DIAPH3: variants seen among roughly 807,000 people sequenced by gnomAD.
DIAPH3 encodes diaphanous related formin 3.
In DIAPH3, 117 loss-of-function variants were observed where a neutral mutation model predicts 144.3. The ratio of observed to expected loss-of-function variants is 0.81; its 90% CI spans 0.70 to 0.95. The LOEUF (loss-of-function observed/expected upper bound fraction) is 0.95. DIAPH3 is among the 40% of genes least tolerant of loss of function. The pLI is 0.00. For synonymous variants in DIAPH3, 519 were observed against 488.9 expected (o/e 1.06, Z -0.81); for missense variants, 1,421 against 1,412.7 (o/e 1.01, Z -0.09).
intron 17 of DIAPH3, among the ~76,000 whole-genome samples, chr13:59,942,684 C>T: frequency 6.6e-6 from 1 of 151,972 alleles, no homozygotes; most frequent in East Asian, 1.9e-4. Context: ...AAAGGCTACA[C>T]ATATAAGTGT....
At chr13:60,115,722 A>G (rs2058686133) in intron 2 of DIAPH3, among the ~76,000 whole-genome samples, 1 of 152,124 alleles carries the variant, frequency 6.6e-6, no homozygotes, top group African/African-American at 2.4e-5. Context: ...ATTAAGTGAG[A>G]AAACAGACTA....
intron 4 of DIAPH3, among the ~76,000 whole-genome samples, chr13:60,056,390 G>A (rs1168328791): frequency 6.6e-6 from 1 of 151,576 alleles, no homozygotes; most frequent in African/African-American, 2.4e-5. Flanking sequence ...ATACAAATAT[G>A]TGTTTTCTAT....
At position 60,008,609 on chromosome 13, in the gene DIAPH3, C is replaced by A; in HGVS notation, c.949G>T (p.Glu317Ter). The A allele has an allele frequency of 2.5e-6, 4 of 1,611,774 alleles. No individual in the cohort carries two copies. The highest frequency in any genetic ancestry group is 3.4e-6 in the Non-Finnish European group (4 of 1,179,070). ...CAAAAAAATCTGTCAATTTTTTTTTCTTCACCAGCTGAAGTTAAAGCTTCT... is the reference window on the plus strand; with the variant it reads ...CAAAAAAATCTGTCAATTTTTTTTTATTCACCAGCTGAAGTTAAAGCTTCT... Reference protein sequence around the residue: ...VLEALTSAGEEKKIDRFFCIV... With the variant: ...VLEALTSAGE Residue 317 changes from glutamate to a stop codon, truncating the protein, a stop_gained, in exon 9 of 28, where the codon GAA becomes TAA. Transcript: ENST00000400324. LOFTEE classifies it high-confidence loss of function.
chr13:59,842,391 C>G (rs1468019546), intron 22 of DIAPH3, among the ~76,000 whole-genome samples: 1 of 152,066 alleles, frequency 6.6e-6, no homozygotes, highest in Non-Finnish European at 1.5e-5. Flanking sequence ...AAGCACAGGG[C>G]AAATGTTGGG....
At chr13:60,002,730 C>A (rs2140901428) in intron 9 of DIAPH3, among the ~76,000 whole-genome samples, 1 of 152,270 alleles carries the variant, frequency 6.6e-6, no homozygotes, top group African/African-American at 2.4e-5. Flanking sequence ...GACATATACA[C>A]AGAAGAAGAA....
intron 27 of DIAPH3, among the ~76,000 whole-genome samples, chr13:59,734,244 T>C (rs1478007766): frequency 2.6e-5 from 4 of 152,126 alleles, no homozygotes; most frequent in South Asian, 2.1e-4. Flanking sequence ...GTAGGAATGA[T>C]ACATAATACG....
At chr13:59,970,097 T>TCC in intron 16 of DIAPH3, 39 bp from the exon 17 acceptor site, 1 of 1,203,492 alleles carries the variant, frequency 8.3e-7, no homozygotes, top group Non-Finnish European at 1.2e-6. Flanking sequence ...AATAGGTGAG[T>TCC]GTTTCACCTG....
At chr13:60,131,664 A>G (rs1248422733) in intron 2 of DIAPH3, among the ~76,000 whole-genome samples, 1 of 152,198 alleles carries the variant, frequency 6.6e-6, no homozygotes, top group Non-Finnish European at 1.5e-5. Flanking sequence ...GGGATTATTT[A>G]TGAACATGAC....
chr13:60,049,151 A>T (rs2056221019), intron 4 of DIAPH3, among the ~76,000 whole-genome samples: 1 of 152,242 alleles, frequency 6.6e-6, no homozygotes, highest in Non-Finnish European at 1.5e-5. Context: ...AGGTTGAAGT[A>T]GCCCAAACAA....
In DIAPH3 at chr13:59,924,755, T is replaced by C; in HGVS notation, c.2170+20A>G. The stretch of plus-strand genomic sequence containing the variant: ...AAATATTTCCACTGTCTTTGAATGG[T>C]ATTGGAATATGATACTTACAAAGGT... On this transcript the variant is annotated intron_variant, in intron 18 of 27. Transcript: ENST00000400324. 1 of 1,596,272 alleles carries C rather than the reference T, an allele frequency of 6.3e-7. No individual in the cohort carries two copies. Among genetic ancestry groups the C allele is most frequent in the Non-Finnish European group, 8.6e-7 (1 of 1,168,062 alleles).
At chr13:60,010,830 G>C (rs1426445860) in intron 7 of DIAPH3, among the ~76,000 whole-genome samples, 161 bp from the exon 8 acceptor site, 7 of 152,082 alleles carry the variant, frequency 4.6e-5, no homozygotes, top group Non-Finnish European at 1.0e-4. Flanking sequence ...TCATGGCTGG[G>C]CACGGTGGTT....
intron 20 of DIAPH3, among the ~76,000 whole-genome samples, chr13:59,901,954 C>A (rs994902703): frequency 6.6e-6 from 1 of 152,124 alleles, no homozygotes; most frequent in East Asian, 1.9e-4. Flanking sequence ...CTCAGCCACC[C>A]GAATCATCTA....
At chr13:59,697,276 G>A (rs1299301870) in intron 27 of DIAPH3, among the ~76,000 whole-genome samples, 9 of 151,200 alleles carry the variant, frequency 6.0e-5, no homozygotes, top group African/African-American at 2.2e-4. Context: ...TCGCTAACAC[G>A]GTGAAACCCC....
intron 24 of DIAPH3, 113 bp downstream of exon 24, chr13:59,832,994 A>G (rs2041856352): frequency 1.2e-6 from 1 of 865,640 alleles, no homozygotes; most frequent in African/African-American, 1.7e-5. Context: ...ATAGCTTTCA[A>G]AATCAGAAAA....
chr13:60,059,176 GA>G (rs1036647562), intron 4 of DIAPH3, among the ~76,000 whole-genome samples: 3 of 147,218 alleles, frequency 2.0e-5, no homozygotes, highest in Admixed American at 6.8e-5. Flanking sequence ...TTATAAAATA[GA>G]AAAAAAAAAC....
At chr13:59,946,584 A>T (rs1342428140) in intron 17 of DIAPH3, among the ~76,000 whole-genome samples, 1 of 152,178 alleles carries the variant, frequency 6.6e-6, no homozygotes, top group African/African-American at 2.4e-5. Context: ...AACAAATGCT[A>T]AAAAAGCACT....
intron 20 of DIAPH3, among the ~76,000 whole-genome samples, chr13:59,894,365 C>A (rs2045975120): frequency 6.6e-6 from 1 of 151,872 alleles, no homozygotes; most frequent in Admixed American, 6.6e-5. Flanking sequence ...AGGCAGAAAC[C>A]TGCGTTTTAG....
intron 17 of DIAPH3, among the ~76,000 whole-genome samples, chr13:59,940,658 A>G (rs1487224549): frequency 1.3e-5 from 2 of 152,188 alleles, no homozygotes; most frequent in African/African-American, 2.4e-5. Flanking sequence ...ATTAAAATGG[A>G]CAGTGGGATA....
At chr13:59,798,223 T>C (rs1025039144) in intron 25 of DIAPH3, among the ~76,000 whole-genome samples, 4 of 152,210 alleles carry the variant, frequency 2.6e-5, no homozygotes, top group African/African-American at 9.6e-5. Flanking sequence ...TCCTAATTAG[T>C]CTCATTCCTC....
Sources: allele counts gnomAD v4.1 joint callset (sites outside exome capture counted in the v4.1 genomes callset), GRCh38; gene constraint gnomAD v4.1.1; transcripts MANE v1.5; gene names NCBI Gene and HGNC (gene_info 2026-07-23, HGNC 2026-07-21).